Variants in RAB15 observed in about 807,000 individuals in gnomAD.
RAB15 encodes ras-related protein Rab-15.
Under a neutral mutation model 31.8 loss-of-function variants are expected in RAB15, and 13 were observed. The ratio of observed to expected loss-of-function variants is 0.41; its 90% confidence interval spans 0.27 to 0.65. The LOEUF is 0.65. RAB15 is among the 30% of genes least tolerant of loss of function. The pLI is 0.32. For synonymous variants in RAB15, 100 were observed against 105.6 expected (o/e 0.95, Z 0.33); for missense variants, 220 against 277.3 (o/e 0.79, Z 1.47).
intron 1 of RAB15, among the ~76,000 whole-genome samples, chr14:64,961,699 AG>A (rs1186107462): frequency 6.6e-6 from 1 of 152,088 alleles, no homozygotes; most frequent in Admixed American, 6.5e-5. Flanking sequence ...CTTGAACCCA[AG>A]GAGTTCAAGA....
At position 64,950,808 on chromosome 14, in the gene RAB15, A is replaced by G. The variant is rs1366346834; in HGVS notation, c.324+266T>C. On this transcript the variant is annotated intron_variant, in intron 4 of 6. Transcript: ENST00000533601. This position sits in a 1 kb window ranked among gnomAD's most constrained non-coding sequence, Gnocchi z 5.6. ...TCTTGCAACTCCACCTGGTCCCAAG[A>G]TTTCAGGAAAGAAGCTGCTCACAGG... 3.0e-6 allele frequency: 2 copies of G among 677,134 alleles called. No individual in the cohort carries two copies. The highest frequency in any genetic ancestry group is 5.1e-6 in the Non-Finnish European group (2 of 392,022). The allele number at this position is 677,134 out of a possible 1,614,324, so 41.9% of individuals were successfully genotyped here.
At position 64,953,611 on chromosome 14, in the gene RAB15, G is replaced by C. The variant is rs1360965983; in HGVS notation, c.125-1040C>G. The stretch of plus-strand genomic sequence containing the variant: ...AATGCGTGCAGGGCAGAAACATATT[G>C]GAGAAATCTGCAGCAAGAGAAGTCA... On this transcript the variant is annotated intron_variant, in intron 1 of 6. Coordinates refer to ENST00000533601, the MANE Select transcript of RAB15 (RefSeq NM_001308154.2). The surrounding 1 kb of genome is among the most constrained non-coding windows in gnomAD (Gnocchi z 4.6). Among the ~76,000 whole-genome samples, 1 of 152,162 alleles carries C rather than the reference G, an allele frequency of 6.6e-6. No homozygotes were observed. Among genetic ancestry groups the C allele is most frequent in the Non-Finnish European group, 1.5e-5 (1 of 68,032 alleles).
intron 1 of RAB15, among the ~76,000 whole-genome samples, chr14:64,956,053 G>T (rs1317327705): frequency 6.6e-6 from 1 of 152,166 alleles, no homozygotes; most frequent in Non-Finnish European, 1.5e-5. Flanking sequence ...GTAACAAGCT[G>T]TTCTCAAAGT....
At chr14:64,964,532 A>G (rs1470074132) in intron 1 of RAB15, among the ~76,000 whole-genome samples, 12 of 86,288 alleles carry the variant, frequency 1.4e-4, no homozygotes, top group African/African-American at 5.4e-4. Context: ...AAAAAAAAAG[A>G]AAAAAAGAAA....
chr14:64,953,934 A>T lies in RAB15; in HGVS notation c.125-1363T>A. The T allele has an allele frequency of 1.0e-6, 1 of 985,388 alleles. No homozygotes were observed. Among genetic ancestry groups the T allele is most frequent in the Non-Finnish European group, 1.2e-6 (1 of 829,924 alleles). 61.0% of individuals were successfully genotyped at this position (985,388 alleles called of 1,614,324 possible). Reference sequence around the variant, plus strand: ...TGAAGGCACCAGCATCCCCATCACCACTGCCACTCCACCTCCGCATCAGTT... The same window carrying T: ...TGAAGGCACCAGCATCCCCATCACCTCTGCCACTCCACCTCCGCATCAGTT... On this transcript the variant is annotated intron_variant, in intron 1 of 6. Transcript: ENST00000533601. This position sits in a 1 kb window ranked among gnomAD's most constrained non-coding sequence, Gnocchi z 4.6.
In RAB15 at chr14:64,971,295, C is replaced by T. The variant is rs1328578881; in HGVS notation, c.124+658G>A. Among the ~76,000 whole-genome samples, 2 of 152,182 alleles carry T rather than the reference C, an allele frequency of 1.3e-5. No homozygotes were observed. The highest frequency in any genetic ancestry group is 2.1e-4 in the South Asian group (1 of 4,832). On this transcript the variant is annotated intron_variant, in intron 1 of 6. Coordinates refer to ENST00000533601, the MANE Select transcript of RAB15 (RefSeq NM_001308154.2). The surrounding 1 kb of genome is among the most constrained non-coding windows in gnomAD (Gnocchi z 4.1). The stretch of plus-strand genomic sequence containing the variant: ...AGGCGGGTCCTGCCTGCCTTCTGAC[C>T]CCTTGGTCTGGGCAGGTATTCCTGA...
chr14:64,951,869 G>A lies in RAB15; in HGVS notation c.186-206C>T, dbSNP rs532227453. ...GGCCTGCAGGGCCTTGGCCCCTCCTGCCAACTGCCCTCCTGGCAGAAACCA... is the reference window on the plus strand; with the variant it reads ...GGCCTGCAGGGCCTTGGCCCCTCCTACCAACTGCCCTCCTGGCAGAAACCA... On this transcript the variant is annotated intron_variant, in intron 2 of 6. Coordinates refer to ENST00000533601, the MANE Select transcript of RAB15 (RefSeq NM_001308154.2). The surrounding 1 kb of genome is among the most constrained non-coding windows in gnomAD (Gnocchi z 7.2). Among the ~76,000 whole-genome samples the A allele has an allele frequency of 2.0e-5, 3 of 152,332 alleles. No individual in the cohort carries two copies. The highest frequency in any genetic ancestry group is 2.1e-4 in the South Asian group (1 of 4,832).
Position 64,951,684 on chromosome 14 carries a change from C to T in RAB15, c.186-21G>A. ...TGTCCCTGCAGGAGAAAGCCAGTCCCTCAGAGGAGCAGGGACCATGGGAAC... is the reference window on the plus strand; with the variant it reads ...TGTCCCTGCAGGAGAAAGCCAGTCCTTCAGAGGAGCAGGGACCATGGGAAC... On this transcript the variant is annotated intron_variant, in intron 2 of 6. Coordinates refer to ENST00000533601, the MANE Select transcript of RAB15 (RefSeq NM_001308154.2). This position sits in a 1 kb window ranked among gnomAD's most constrained non-coding sequence, Gnocchi z 7.2. 6.2e-7 allele frequency: 1 copy of T among 1,609,482 alleles called. No individual in the cohort carries two copies. The highest frequency in any genetic ancestry group is 8.5e-7 in the Non-Finnish European group (1 of 1,175,748).
In RAB15 at chr14:64,953,894, C is replaced by G. The variant is rs761138227; in HGVS notation, c.125-1323G>C. On this transcript the variant is annotated intron_variant, in intron 1 of 6. Coordinates refer to ENST00000533601, the MANE Select transcript of RAB15 (RefSeq NM_001308154.2). The surrounding 1 kb of genome is among the most constrained non-coding windows in gnomAD (Gnocchi z 4.6). ...AACCGTCTGCCACCAGCTGCACTGC[C>G]CGGCCCAGAAGGCCTGAAGGCACCA... is the stretch of plus-strand genomic sequence containing the variant. 1.0e-6 allele frequency: 1 copy of G among 985,414 alleles called. No individual in the cohort carries two copies. The highest frequency in any genetic ancestry group is 5.2e-4 in the Middle Eastern group (1 of 1,914). 61.0% of individuals were successfully genotyped at this position (985,414 alleles called of 1,614,324 possible).
chr14:64,960,876 G>T (rs776797901), intron 1 of RAB15, among the ~76,000 whole-genome samples: 2 of 152,182 alleles, frequency 1.3e-5, no homozygotes, highest in East Asian at 1.9e-4. Flanking sequence ...CCCCTGTGGG[G>T]CCCAGATGGC....
chr14:64,952,412 C>T lies in RAB15; in HGVS notation c.185+99G>A. The T allele has an allele frequency of 1.1e-6, 1 of 872,636 alleles. No individual in the cohort carries two copies. The highest frequency in any genetic ancestry group is 1.9e-6 in the Non-Finnish European group (1 of 536,006). The allele number at this position is 872,636 out of a possible 1,614,324, so 54.1% of individuals were successfully genotyped here. A position where few individuals can be genotyped will look rare whatever the true frequency, so the allele number is the denominator to read the frequency against. On this transcript the variant is annotated intron_variant, in intron 2 of 6. Transcript: ENST00000533601. This position sits in a 1 kb window ranked among gnomAD's most constrained non-coding sequence, Gnocchi z 4.2. ...TCCATCAGAGAGGTGGCCAGTTATC[C>T]CAGGTGAAGCCTAGGAATTTTACAC...
chr14:64,961,256 G>A (rs1395844920), intron 1 of RAB15, among the ~76,000 whole-genome samples: 2 of 152,198 alleles, frequency 1.3e-5, no homozygotes, highest in African/African-American at 4.8e-5. Flanking sequence ...TGTGGGCCAT[G>A]TGCACCTCCT....
In RAB15 at chr14:64,950,259, G is replaced by A. The variant is rs1189265874; in HGVS notation, c.414+66C>T. On this transcript the variant is annotated intron_variant, in intron 5 of 6. Coordinates refer to ENST00000533601, the MANE Select transcript of RAB15 (RefSeq NM_001308154.2). The surrounding 1 kb of genome is among the most constrained non-coding windows in gnomAD (Gnocchi z 5.6). ...GGGGAACACACCCCTAGGTCCCCAC[G>A]CTCAGGACTGGCCCTGGAGGCCCAG... The A allele has an allele frequency of 2.1e-5, 28 of 1,337,722 alleles. No individual in the cohort carries two copies. Among genetic ancestry groups the A allele is most frequent in the South Asian group, 4.7e-5 (4 of 85,622 alleles). The allele number at this position is 1,337,722 out of a possible 1,614,324, so 82.9% of individuals were successfully genotyped here.
rs1007558610 is a variant in RAB15 at position 64,962,499 on chromosome 14, A to G, written c.124+9454T>C. ...AATGAATACCTAATTTCAGAGAGCC[A>G]TATGTGATAAGAAGCAACTGCGGGA... On this transcript the variant is annotated intron_variant, in intron 1 of 6. Coordinates refer to ENST00000533601, the MANE Select transcript of RAB15 (RefSeq NM_001308154.2). This position sits in a 1 kb window ranked among gnomAD's most constrained non-coding sequence, Gnocchi z 4.2. Among the ~76,000 whole-genome samples the G allele has an allele frequency of 1.3e-5, 2 of 152,244 alleles. No homozygotes were observed. The highest frequency in any genetic ancestry group is 4.8e-5 in the African/African-American group (2 of 41,460).
rs144753471 is a variant in RAB15 at position 64,953,769 on chromosome 14, G to A, written c.125-1198C>T. The stretch of plus-strand genomic sequence containing the variant: ...CCCAGGGATTCAAGAGCTACGTCTG[G>A]TGGGTTAATTAAGCTTACGTCTTTG... On this transcript the variant is annotated intron_variant, in intron 1 of 6. Transcript: ENST00000533601. This position sits in a 1 kb window ranked among gnomAD's most constrained non-coding sequence, Gnocchi z 4.6. 4.4e-4 allele frequency: 435 copies of A among 984,536 alleles called. 2 individuals carry two copies. In the African/African-American group the frequency reaches 7.0e-3, roughly 16 times the overall value. 61.0% of individuals were successfully genotyped at this position (984,536 alleles called of 1,614,324 possible). A position where few individuals can be genotyped will look rare whatever the true frequency, so the allele number is the denominator to read the frequency against.
At chr14:64,964,671 G>T (rs1887032305) in intron 1 of RAB15, among the ~76,000 whole-genome samples, 2 of 151,902 alleles carry the variant, frequency 1.3e-5, no homozygotes, top group Admixed American at 1.3e-4. Context: ...CACCTCCTGG[G>T]TTCAAGCAAT....
rs1887360839 is a variant in RAB15, at chr14:64,970,461, A to G, written c.124+1492T>C. On this transcript the variant is annotated intron_variant, in intron 1 of 6. Coordinates refer to ENST00000533601, the MANE Select transcript of RAB15 (RefSeq NM_001308154.2). This position sits in a 1 kb window ranked among gnomAD's most constrained non-coding sequence, Gnocchi z 4.1. ...AGCCCAAGCTCCTGGGTTTCCTAAGAGTTGGCCTTACAGCTCCTCTGAGAA... is the reference window on the plus strand; with the variant it reads ...AGCCCAAGCTCCTGGGTTTCCTAAGGGTTGGCCTTACAGCTCCTCTGAGAA... 1.3e-5 allele frequency among the ~76,000 whole-genome samples: 2 copies of G among 152,126 alleles called. No individual in the cohort carries two copies. Among genetic ancestry groups the G allele is most frequent in the African/African-American group, 4.8e-5 (2 of 41,404 alleles).
chr14:64,962,776 C>A lies in RAB15; in HGVS notation c.124+9177G>T, dbSNP rs770553212. The stretch of plus-strand genomic sequence containing the variant: ...TTACAAAAGGGGAACTGCAGCAAGA[C>A]CCCTCCCTTCTCTCAGGTCTTGTGT... On this transcript the variant is annotated intron_variant, in intron 1 of 6. Transcript: ENST00000533601. This position sits in a 1 kb window ranked among gnomAD's most constrained non-coding sequence, Gnocchi z 4.2. Among the ~76,000 whole-genome samples the A allele has an allele frequency of 6.6e-6, 1 of 152,194 alleles. No individual in the cohort carries two copies. Among genetic ancestry groups the A allele is most frequent in the Non-Finnish European group, 1.5e-5 (1 of 68,042 alleles).
At chr14:64,963,917 C>T (rs969596367) in intron 1 of RAB15, among the ~76,000 whole-genome samples, 8 of 152,298 alleles carry the variant, frequency 5.3e-5, no homozygotes, top group Admixed American at 6.5e-5. Context: ...CCAGCCTCCC[C>T]GGGAGGGATT....
Sources: allele counts gnomAD v4.1 joint callset (sites outside exome capture counted in the v4.1 genomes callset), GRCh38; gene constraint gnomAD v4.1.1; non-coding constraint Gnocchi (gnomAD v3.1); transcripts MANE v1.5; gene names NCBI Gene and HGNC (gene_info 2026-07-23, HGNC 2026-07-21).